The following MAGI2 variants were observed in gnomAD, a reference collection of about 807,000 sequenced individuals.
MAGI2 encodes membrane associated guanylate kinase, WW and PDZ domain containing 2.
MAGI2 carries 35 observed loss-of-function variants against 133.3 expected under a neutral mutation model. The observed-to-expected ratio is 0.26, with a 90% CI of 0.20 to 0.35. The LOEUF is 0.35. MAGI2 is among the 10% of genes least tolerant of loss of function. The pLI, the probability that MAGI2 is intolerant of heterozygous loss-of-function variation, is 1.00. For synonymous variants in MAGI2, 729 were observed against 710.6 expected, an observed-to-expected ratio of 1.03 and a Z score of -0.41; for missense variants, 1,636 against 1,863.4, an observed-to-expected ratio of 0.88 and a Z score of 2.25.
chr7:78,596,936 G>A (rs1804664777), intron 3 of MAGI2, among the ~76,000 whole-genome samples: 1 of 152,132 alleles, frequency 6.6e-6, no homozygotes, highest in South Asian at 2.1e-4. Flanking sequence ...GTTGTACGGA[G>A]CCTATTTTAA....
At chr7:78,272,393 G>A (rs1794669408) in intron 9 of MAGI2, among the ~76,000 whole-genome samples, 1 of 152,160 alleles carries the variant, frequency 6.6e-6, no homozygotes, top group South Asian at 2.1e-4. Context: ...ATGCGACGTG[G>A]TGCTGAGAAG....
chr7:78,767,135 G>A (rs934883553), intron 2 of MAGI2, among the ~76,000 whole-genome samples: 34 of 151,998 alleles, frequency 2.2e-4, no homozygotes, highest in African/African-American at 8.0e-4. Context: ...GATTACAGGT[G>A]CGTGCCACCA....
intron 21 of MAGI2, among the ~76,000 whole-genome samples, chr7:78,069,292 G>A (rs3807757): frequency 0.48 from 73,216 of 151,816 alleles, 19,016 homozygotes; most frequent in East Asian, 0.69. Flanking sequence ...AGATACGTCC[G>A]GCAATCCCCA....
chr7:78,284,247 C>CTAGTTATTTTTT (rs946599439), intron 9 of MAGI2, among the ~76,000 whole-genome samples: 7 of 152,010 alleles, frequency 4.6e-5, no homozygotes, highest in Admixed American at 6.6e-5. Context: ...GAACCAGTTT[C>CTAGTTATTTTTT]TAGTTATTTT....
chr7:78,062,404 G>A (rs547822163), intron 21 of MAGI2, among the ~76,000 whole-genome samples: 1 of 152,360 alleles, frequency 6.6e-6, no homozygotes, highest in South Asian at 2.1e-4. Context: ...TGAGTGCTAT[G>A]TGCCTGGCAT....
At chr7:79,146,138 A>G (rs1035767906) in intron 1 of MAGI2, among the ~76,000 whole-genome samples, 1 of 152,136 alleles carries the variant, frequency 6.6e-6, no homozygotes, top group Non-Finnish European at 1.5e-5. Flanking sequence ...CTGGCTTACC[A>G]TTTGAGAAAA....
intron 1 of MAGI2, among the ~76,000 whole-genome samples, chr7:79,144,514 C>T (rs1366714363): frequency 6.6e-6 from 1 of 152,134 alleles, no homozygotes; most frequent in Non-Finnish European, 1.5e-5. Context: ...CTGAGGCCTC[C>T]CCAGCCATGC....
rs928715416 is a variant in MAGI2, at chr7:78,501,712, T to A, written c.830A>T (p.Tyr277Phe). Residue 277 changes from tyrosine to phenylalanine, a missense_variant, in exon 5 of 22, where the codon TAC becomes TTC. This residue lies in a region of MAGI2 where 165 missense variants were observed against 128.4 expected (regional missense o/e 1.28). Coordinates refer to ENST00000354212, the MANE Select transcript of MAGI2 (RefSeq NM_012301.4). The stretch of plus-strand genomic sequence containing the variant: ...CTCCTTCAGCTCCTCAGGCTGACTG[T>A]ACACTGGTGCAGGATAAGGCTGGGA... ...MPSQPYPAPV[Y>F]SQPEELKEQM... The A allele has an allele frequency of 6.2e-7, 1 of 1,614,118 alleles. No individual in the cohort carries two copies. The highest frequency in any genetic ancestry group is 1.1e-5 in the South Asian group (1 of 91,084).
chr7:79,291,535 G>T (rs1432378065), intron 1 of MAGI2, among the ~76,000 whole-genome samples: 4 of 152,126 alleles, frequency 2.6e-5, no homozygotes, highest in African/African-American at 9.7e-5. Context: ...CCCACCAGCA[G>T]TGTATCAGGG....
chr7:78,600,005 C>T (rs1805020615), intron 3 of MAGI2, among the ~76,000 whole-genome samples: 2 of 152,142 alleles, frequency 1.3e-5, no homozygotes, highest in Non-Finnish European at 2.9e-5. Flanking sequence ...CTTATACACC[C>T]AACATTCCAT....
intron 16 of MAGI2, among the ~76,000 whole-genome samples, chr7:78,143,661 T>C (rs1220186784): frequency 6.6e-6 from 1 of 152,180 alleles, no homozygotes; most frequent in Non-Finnish European, 1.5e-5. Context: ...AACTTGGTAC[T>C]GATTATTAAG....
intron 3 of MAGI2, among the ~76,000 whole-genome samples, chr7:78,556,646 A>C (rs1799849215): frequency 1.3e-5 from 2 of 152,270 alleles, no homozygotes; most frequent in East Asian, 3.9e-4. Context: ...TGCTAAGAAC[A>C]AGCAACCGTT....
intron 2 of MAGI2, among the ~76,000 whole-genome samples, chr7:78,680,564 T>A (rs1349835292): frequency 6.6e-6 from 1 of 152,186 alleles, no homozygotes; most frequent in African/African-American, 2.4e-5. Context: ...TAAGACCACC[T>A]TCTTATCCAC....
Position 79,073,907 on chromosome 7 carries a change from C to A in MAGI2, c.302-66701G>T, listed in dbSNP as rs193003274. Among the ~76,000 whole-genome samples the A allele has an allele frequency of 2.1e-4, 32 of 151,784 alleles. No homozygotes were observed. The East Asian group carries it at 5.6e-3, about 27-fold the overall frequency. On this transcript the variant is annotated intron_variant, in intron 1 of 21. Coordinates refer to ENST00000354212, the MANE Select transcript of MAGI2 (RefSeq NM_012301.4). ...TTCTTCCTAACTTCTTTCTTCCAGT[C>A]TTATTCTTATTAATCTTTTTGATGT... is the stretch of plus-strand genomic sequence containing the variant.
chr7:78,195,368 G>A (rs1828625733), intron 11 of MAGI2, among the ~76,000 whole-genome samples: 1 of 152,104 alleles, frequency 6.6e-6, no homozygotes, highest in African/African-American at 2.4e-5. Context: ...CCCCCTATAA[G>A]ATAAAGATAA....
intron 2 of MAGI2, among the ~76,000 whole-genome samples, chr7:78,797,573 C>T (rs1029295260): frequency 1.2e-4 from 18 of 151,986 alleles, no homozygotes; most frequent in African/African-American, 3.9e-4. Flanking sequence ...GTAATGTTTG[C>T]TTTTCATAAT....
At chr7:79,156,790 A>G (rs564628038) in intron 1 of MAGI2, among the ~76,000 whole-genome samples, 1 of 152,120 alleles carries the variant, frequency 6.6e-6, no homozygotes, top group African/African-American at 2.4e-5. Context: ...CTCAGAATAA[A>G]TATCTTCAAA....
chr7:78,357,768 G>A (rs896191497), intron 7 of MAGI2, among the ~76,000 whole-genome samples: 7 of 151,670 alleles, frequency 4.6e-5, no homozygotes, highest in Admixed American at 1.3e-4. Flanking sequence ...TTTGCCTTTA[G>A]TAGATCCAGT....
chr7:78,580,389 C>T (rs1017287148), intron 3 of MAGI2, among the ~76,000 whole-genome samples: 16 of 152,136 alleles, frequency 1.1e-4, no homozygotes, highest in Admixed American at 3.3e-4. Flanking sequence ...TAATGATGTA[C>T]GTGTTCAGTC....
Sources: allele counts gnomAD v4.1 joint callset (sites outside exome capture counted in the v4.1 genomes callset), GRCh38; gene constraint gnomAD v4.1.1; regional missense constraint gnomAD v4.1.1; transcripts MANE v1.5; gene names NCBI Gene and HGNC (gene_info 2026-07-23, HGNC 2026-07-21).